LTBP1: variants seen among roughly 807,000 people sequenced by gnomAD.
LTBP1 encodes the protein latent-transforming growth factor beta-binding protein 1.
A neutral mutation model predicts 207.6 loss-of-function variants in LTBP1; 129 were observed. That is an observed-to-expected ratio of 0.62 (90% CI 0.54 to 0.72). LTBP1 has a LOEUF of 0.72. Among genes scored for constraint, LTBP1 ranks in the 30% least tolerant of loss-of-function variants. The probability of loss-of-function intolerance (pLI) is 0.00; values close to 1 mark genes in which losing one functional copy is unlikely to be tolerated. For synonymous variants in LTBP1, 963 were observed against 833.7 expected (o/e 1.16, Z -2.67); for missense variants, 2,281 against 2,217.2 (o/e 1.03, Z -0.58).
At chr2:33,066,512 CTGAA>C (rs572503368) in intron 3 of LTBP1, among the ~76,000 whole-genome samples, 1 of 152,188 alleles carries the variant, frequency 6.6e-6, no homozygotes, top group South Asian at 2.1e-4. Flanking sequence ...AAAGTAGACT[CTGAA>C]TGTCATACTT....
At chr2:33,327,399 A>G (rs1355873138) in intron 24 of LTBP1, among the ~76,000 whole-genome samples, 1 of 152,188 alleles carries the variant, frequency 6.6e-6, no homozygotes, top group Non-Finnish European at 1.5e-5. Context: ...TTTTAATGAC[A>G]TAATAATTCT....
chr2:32,991,374 A>C (rs1000255469), intron 2 of LTBP1, among the ~76,000 whole-genome samples: 1 of 152,146 alleles, frequency 6.6e-6, no homozygotes, highest in African/African-American at 2.4e-5. Context: ...CTTTTTCTTG[A>C]AATATAGTTG....
At chr2:32,974,970 T>C (rs1681483834) in intron 2 of LTBP1, among the ~76,000 whole-genome samples, 1 of 152,230 alleles carries the variant, frequency 6.6e-6, no homozygotes, top group South Asian at 2.1e-4. Context: ...CTTTATAGTG[T>C]CAATAGTCTG....
intron 22 of LTBP1, among the ~76,000 whole-genome samples, chr2:33,308,854 C>T (rs2094138601): frequency 6.6e-6 from 1 of 152,110 alleles, no homozygotes; most frequent in Non-Finnish European, 1.5e-5. Context: ...TCAAGTGTTG[C>T]TCAAGATACA....
At position 33,262,766 on chromosome 2, in the gene LTBP1, T is replaced by C; in HGVS notation, c.2463T>C (p.Gly821=). The C allele has an allele frequency of 6.2e-7, 1 of 1,606,540 alleles. No homozygotes were observed. Among genetic ancestry groups the C allele is most frequent in the Non-Finnish European group, 8.5e-7 (1 of 1,175,398 alleles). The change falls in exon 14 of 34, where the codon GGT becomes GGC. Residue 821 remains glycine (G), a synonymous_variant. Coordinates refer to ENST00000404816, the MANE Select transcript of LTBP1 (RefSeq NM_206943.4). ...LDQEKTKLEP[G]QPQLSPGIST... ...AAGAGAAAACCAAACTTGAGCCTGGTCAACCCCAGCTGTCTCCAGGCATTT... is the reference window on the plus strand; with the variant it reads ...AAGAGAAAACCAAACTTGAGCCTGGCCAACCCCAGCTGTCTCCAGGCATTT...
chr2:33,184,219 T>C (rs1377093469), intron 5 of LTBP1, among the ~76,000 whole-genome samples: 2 of 152,196 alleles, frequency 1.3e-5, no homozygotes, highest in Non-Finnish European at 2.9e-5. Context: ...TGGAGTAATC[T>C]TCCTGGAACA....
chr2:33,397,426 TG>T, intron 33 of LTBP1, 144 bp downstream of exon 33: 1 of 743,962 alleles, frequency 1.3e-6, no homozygotes, highest in Non-Finnish European at 2.2e-6. Context: ...AAGTACAGTA[TG>T]AATATACTTA....
At chr2:33,308,389 CTGTT>C (rs1199468643) in intron 22 of LTBP1, among the ~76,000 whole-genome samples, 1 of 152,136 alleles carries the variant, frequency 6.6e-6, no homozygotes, top group Non-Finnish European at 1.5e-5. Flanking sequence ...TACCTCAAAC[CTGTT>C]TGTTACAGCT....
At chr2:33,244,377 T>A (rs908557705) in intron 10 of LTBP1, among the ~76,000 whole-genome samples, 3 of 152,226 alleles carry the variant, frequency 2.0e-5, no homozygotes, top group African/African-American at 7.2e-5. Context: ...CTGTTTTGCC[T>A]TAAAAATGTT....
rs140899456 is a variant in LTBP1 at position 32,998,008 on chromosome 2, G to T, written c.566-22901G>T. Among the ~76,000 whole-genome samples, 356 of 152,254 alleles carry T rather than the reference G, an allele frequency of 2.3e-3. 6 individuals carry two copies. The highest frequency in any genetic ancestry group is 0.021 in the Admixed American group (318 of 15,300). ...GTTCAGACTGTTTCCAGTAAAGTTT[G>T]TTATCAGTACCAGAAAGGCTTATTG... On this transcript the variant is annotated intron_variant, in intron 2 of 33. Transcript: ENST00000404816.
chr2:33,336,197 C>CT (rs1452371736), intron 24 of LTBP1, among the ~76,000 whole-genome samples: 19 of 152,210 alleles, frequency 1.2e-4, no homozygotes. Flanking sequence ...CAAAGAGTAA[C>CT]AGATGGTGTG....
chr2:33,037,846 T>G (rs116442996), intron 3 of LTBP1, among the ~76,000 whole-genome samples: 2 of 152,206 alleles, frequency 1.3e-5, no homozygotes. Context: ...GCCACCCAAG[T>G]AACTGGAGTT....
chr2:33,344,271 T>G (rs1488995656), intron 25 of LTBP1, among the ~76,000 whole-genome samples: 1 of 152,244 alleles, frequency 6.6e-6, no homozygotes. Context: ...ATAATATAGC[T>G]AAGACTATCC....
intron 7 of LTBP1, among the ~76,000 whole-genome samples, chr2:33,190,259 G>A (rs1462908870): frequency 3.3e-5 from 5 of 152,040 alleles, no homozygotes; most frequent in African/African-American, 1.2e-4. Flanking sequence ...TTTGGTTATG[G>A]GTTAAACCCC....
intron 20 of LTBP1, among the ~76,000 whole-genome samples, chr2:33,296,876 AG>A (rs1296986269): frequency 6.6e-6 from 1 of 152,176 alleles, no homozygotes; most frequent in Non-Finnish European, 1.5e-5. Flanking sequence ...GGTACCTGCT[AG>A]AGTTGATATG....
At chr2:32,952,149 C>T (rs1189077423) in intron 2 of LTBP1, among the ~76,000 whole-genome samples, 1 of 152,174 alleles carries the variant, frequency 6.6e-6, no homozygotes, top group Non-Finnish European at 1.5e-5. Flanking sequence ...TAAGGTATCC[C>T]TTTGAGAAAG....
At chr2:33,310,151 C>T (rs781250244) in intron 23 of LTBP1, among the ~76,000 whole-genome samples, 8 of 152,008 alleles carry the variant, frequency 5.3e-5, no homozygotes, top group Admixed American at 3.3e-4. Flanking sequence ...GTTTCACCAC[C>T]TTGGCCAGGC....
intron 10 of LTBP1, among the ~76,000 whole-genome samples, chr2:33,251,875 A>T (rs183544549): frequency 6.6e-6 from 1 of 152,212 alleles, no homozygotes; most frequent in African/African-American, 2.4e-5. Context: ...GCATTAGAAG[A>T]TGAACTTCTT....
At position 33,079,062 on chromosome 2, in the gene LTBP1, T is replaced by G. The variant is rs536965294; in HGVS notation, c.864-31520T>G. Among the ~76,000 whole-genome samples, 28 of 152,242 alleles carry G rather than the reference T, an allele frequency of 1.8e-4. No homozygotes were observed. The South Asian group carries it at 5.8e-3, about 32-fold the overall frequency. ...TTAGTAGAGACGGGGTTTCACCATG[T>G]TGGCCAATATGGTAATATTTCTTTT... On this transcript the variant is annotated intron_variant, in intron 3 of 33. Transcript: ENST00000404816.
Sources: gnomAD v4.1 joint callset for allele counts (sites outside exome capture counted in the v4.1 genomes callset) on GRCh38, gnomAD v4.1.1 for gene constraint, MANE v1.5 for transcripts, NCBI Gene and HGNC (gene_info 2026-07-23, HGNC 2026-07-21) for gene names.